The following FBXO34 variants were observed in gnomAD, a reference collection of about 807,000 sequenced individuals.
FBXO34 encodes F-box only protein 34.
FBXO34 carries 12 observed loss-of-function variants against 24.5 expected under a neutral mutation model. The ratio of observed to expected loss-of-function variants is 0.49; its 90% CI spans 0.31 to 0.79. The LOEUF (loss-of-function observed/expected upper bound fraction) is 0.79, where lower values mean the gene tolerates loss of function less well. Ranked by LOEUF, FBXO34 falls within the 30% of genes least tolerant of loss-of-function variation. The pLI is 0.04. For missense variants in FBXO34, 823 were observed against 857.7 expected, an observed-to-expected ratio of 0.96 and a Z score of 0.51; for synonymous variants, 320 against 311.9, an observed-to-expected ratio of 1.03 and a Z score of -0.27.
At chr14:55,408,515 T>C in the FBXO34 span, among the ~76,000 whole-genome samples, 15 of 152,164 alleles carry the variant, frequency 9.9e-5, no homozygotes, top group Non-Finnish European at 1.5e-4. Flanking sequence ...CTCATATCTG[T>C]AATCCTAACA....
chr14:55,283,970 GTGTGTC>G (rs1555334930), intron 1 of FBXO34, among the ~76,000 whole-genome samples: 4 of 151,390 alleles, frequency 2.6e-5, no homozygotes, highest in South Asian at 2.1e-4. Flanking sequence ...GTGTGTGTGT[GTGTGTC>G]TGTGTGTGTG....
chr14:55,351,901 A>C lies in FBXO34; in HGVS notation c.1511A>C (p.Glu504Ala). 3 of 1,614,194 alleles carry C rather than the reference A, an allele frequency of 1.9e-6. No individual in the cohort carries two copies. Among genetic ancestry groups the C allele is most frequent in the Non-Finnish European group, 2.5e-6 (3 of 1,180,034 alleles). Reference sequence around the variant, plus strand: ...CAGTTGAATGAAAGCACAACAAAAGAGTCTTCAGAGGCCAGCCAGCTTGAA... The same window carrying C: ...CAGTTGAATGAAAGCACAACAAAAGCGTCTTCAGAGGCCAGCCAGCTTGAA... ...YSQLNESTTK[E>A]SSEASQLEDA... The change falls in exon 2 of 2, where the codon GAG becomes GCG. Residue 504 changes from glutamate (E) to alanine (A), a missense_variant. Transcript: ENST00000313833.
intron 1 of FBXO34, among the ~76,000 whole-genome samples, chr14:55,281,323 A>T (rs551133121): frequency 7.9e-5 from 12 of 151,320 alleles, no homozygotes; most frequent in Non-Finnish European, 1.2e-4. Flanking sequence ...CAAAGGCCAC[A>T]TGTGGTTAGT....
At chr14:55,341,502 T>C (rs980660933) in intron 1 of FBXO34, among the ~76,000 whole-genome samples, 2 of 152,200 alleles carry the variant, frequency 1.3e-5, no homozygotes, top group African/African-American at 4.8e-5. Flanking sequence ...TGCAAAGGGA[T>C]AGGAGTTTTA....
the FBXO34 span, chr14:55,436,421 C>T: frequency 1.2e-6 from 1 of 801,868 alleles, no homozygotes. Context: ...AAGCCACAAT[C>T]CATTTAGAAC....
At chr14:55,436,748 C>A in the FBXO34 span, 1 of 1,614,176 alleles carries the variant, frequency 6.2e-7, no homozygotes. Context: ...AGCCCAACGT[C>A]CTGTTCGCTG....
chr14:55,284,138 T>TA (rs1184668911), intron 1 of FBXO34, among the ~76,000 whole-genome samples: 2 of 152,132 alleles, frequency 1.3e-5, no homozygotes, highest in Non-Finnish European at 1.5e-5. Flanking sequence ...AGCTAGGACT[T>TA]ACAAGCATGC....
rs1274938191 is a variant in FBXO34, at chr14:55,350,416, T to C, written c.26T>C (p.Leu9Pro). 2.5e-6 allele frequency: 4 copies of C among 1,592,896 alleles called. No individual in the cohort carries two copies. Among genetic ancestry groups the C allele is most frequent in the South Asian group, 2.3e-5 (2 of 87,972 alleles). The change falls in exon 2 of 2, where the codon CTC becomes CCC. Residue 9 changes from leucine to proline, a missense_variant. Coordinates refer to ENST00000313833, the MANE Select transcript of FBXO34 (RefSeq NM_017943.4). ...ATGCACCTAAAGCCATATTGGAAGCTCCAGAAGAAAGAGCACCCCCCGGAA... is the reference window on the plus strand; with the variant it reads ...ATGCACCTAAAGCCATATTGGAAGCCCCAGAAGAAAGAGCACCCCCCGGAA... MHLKPYWK[L>P]QKKEHPPEVS...
intron 1 of FBXO34, among the ~76,000 whole-genome samples, chr14:55,312,489 G>C (rs1475901464): frequency 1.3e-5 from 2 of 152,182 alleles, no homozygotes; most frequent in Non-Finnish European, 2.9e-5. Context: ...GAGACTCTGT[G>C]TGGGGGCTTC....
At chr14:55,358,328 A>G (rs888027921), downstream of FBXO34, among the ~76,000 whole-genome samples, 3 of 152,222 alleles carry the variant, frequency 2.0e-5, no homozygotes, top group African/African-American at 7.2e-5. Context: ...TGCACACTTG[A>G]AATGAGTAAA....
intron 1 of FBXO34, among the ~76,000 whole-genome samples, chr14:55,337,096 C>G (rs1201974105): frequency 1.3e-5 from 2 of 151,752 alleles, no homozygotes; most frequent in Non-Finnish European, 2.9e-5. Context: ...GCCTTAGCCT[C>G]CTGAGTAGCT....
intron 1 of FBXO34, among the ~76,000 whole-genome samples, chr14:55,291,704 C>T (rs576561472): frequency 6.6e-6 from 1 of 152,200 alleles, no homozygotes; most frequent in South Asian, 2.1e-4. Flanking sequence ...GGTGTAGTGA[C>T]ATGCACCTGT....
the FBXO34 span, among the ~76,000 whole-genome samples, chr14:55,433,309 C>CTTTTTTT: frequency 1.7e-5 from 2 of 119,886 alleles, no homozygotes; most frequent in African/African-American, 3.3e-5. Context: ...TTAGATTTCT[C>CTTTTTTT]TTTTTTTTTT....
downstream of FBXO34, among the ~76,000 whole-genome samples, chr14:55,374,716 T>C (rs1884886696): frequency 6.6e-6 from 1 of 152,218 alleles, no homozygotes; most frequent in Non-Finnish European, 1.5e-5. Flanking sequence ...GAATGTGGTA[T>C]GAACTCAACT....
At chr14:55,380,853 G>GTATATATATA in the FBXO34 span, among the ~76,000 whole-genome samples, 160 of 107,870 alleles carry the variant, frequency 1.5e-3, 2 homozygotes, top group Middle Eastern at 8.8e-3. Flanking sequence ...CATTCTTTGT[G>GTATATATATA]TGTATATATA....
At chr14:55,425,628 T>C in the FBXO34 span, among the ~76,000 whole-genome samples, 31,232 of 152,112 alleles carry the variant, frequency 0.21, 5,027 homozygotes, top group African/African-American at 0.45. Flanking sequence ...ATTGAGAATA[T>C]CGAACACCTG....
the FBXO34 span, among the ~76,000 whole-genome samples, chr14:55,435,102 A>C: frequency 2.6e-5 from 4 of 152,224 alleles, no homozygotes; most frequent in Admixed American, 6.5e-5. Context: ...CCTGAATCTT[A>C]CATTAGTAAA....
chr14:55,427,969 G>A, the FBXO34 span, among the ~76,000 whole-genome samples: 56 of 109,942 alleles, frequency 5.1e-4, 1 homozygote, highest in South Asian at 0.019. Context: ...TCCGTCTCCC[G>A]GGTTCACGCC....
the FBXO34 span, among the ~76,000 whole-genome samples, chr14:55,404,862 C>T: frequency 6.6e-6 from 1 of 152,164 alleles, no homozygotes; most frequent in African/African-American, 2.4e-5. Flanking sequence ...AGGAGTAAGT[C>T]AGCCACAACA....
Sources: allele counts gnomAD v4.1 joint callset (sites outside exome capture counted in the v4.1 genomes callset), GRCh38; gene constraint gnomAD v4.1.1; transcripts MANE v1.5; gene names NCBI Gene and HGNC (gene_info 2026-07-23, HGNC 2026-07-21).